The following RB1CC1 variants were observed in gnomAD, a reference collection of about 807,000 sequenced individuals.
RB1CC1 encodes the protein RB1 inducible coiled-coil 1.
Under a neutral mutation model 177.5 loss-of-function variants are expected in RB1CC1, and 46 were observed. The observed-to-expected ratio is 0.26, with a 90% CI of 0.20 to 0.33. The LOEUF is 0.33. Ranked by LOEUF, RB1CC1 falls within the 10% of genes least tolerant of loss-of-function variation. RB1CC1 has a pLI of 1.00. For missense variants in RB1CC1, 1,703 were observed against 1,816.3 expected, an observed-to-expected ratio of 0.94 and a Z score of 1.13; for synonymous variants, 666 against 613.6, an observed-to-expected ratio of 1.09 and a Z score of -1.26.
At chr8:52,660,394 G>C (rs919509403) in intron 12 of RB1CC1, among the ~76,000 whole-genome samples, 1 of 152,182 alleles carries the variant, frequency 6.6e-6, no homozygotes, top group Non-Finnish European at 1.5e-5. Flanking sequence ...CCTGTGTTAT[G>C]AAGATTCTTT....
At chr8:52,687,930 G>C (rs1335228547) in intron 1 of RB1CC1, among the ~76,000 whole-genome samples, 2 of 152,198 alleles carry the variant, frequency 1.3e-5, no homozygotes, top group Non-Finnish European at 2.9e-5. Context: ...GGAAGTCAGG[G>C]ACCCCAAACA....
chr8:52,670,464 A>T (rs893637328), intron 7 of RB1CC1, among the ~76,000 whole-genome samples: 1 of 152,194 alleles, frequency 6.6e-6, no homozygotes, highest in African/African-American at 2.4e-5. Flanking sequence ...ACTATAAAAC[A>T]AAGTTTCTTA....
chr8:52,652,678 G>A (rs1850711851), intron 15 of RB1CC1, among the ~76,000 whole-genome samples: 2 of 152,038 alleles, frequency 1.3e-5, no homozygotes, highest in Admixed American at 6.6e-5. Context: ...TTTAAAAGAT[G>A]GTAAACACGC....
At chr8:52,693,679 G>A (rs1344600244) in intron 1 of RB1CC1, among the ~76,000 whole-genome samples, 1 of 152,128 alleles carries the variant, frequency 6.6e-6, no homozygotes, top group Non-Finnish European at 1.5e-5. Context: ...CAAAGACCTT[G>A]AGGCAGAAAT....
Position 52,661,268 on chromosome 8 carries a change from C to A in RB1CC1, c.1372G>T (p.Val458Leu). Residue 458 changes from valine to leucine, a missense_variant, in exon 10 of 24, where the codon GTA (valine) becomes TTA (leucine). This residue lies in a region of RB1CC1 where 1,169 missense variants were observed against 1,184.7 expected (regional missense o/e 0.99). Coordinates refer to ENST00000025008, the MANE Select transcript of RB1CC1 (RefSeq NM_014781.5). ...LHVRLKWCCF[V>L]MLHADQDGEK... ...CCATCTTGATCAGCATGAAGCATTA[C>A]AAAGCAACACCACCTAGAGAATAAA... is the stretch of plus-strand genomic sequence containing the variant. 6.2e-7 allele frequency: 1 copy of A among 1,612,620 alleles called. No homozygotes were observed. Among genetic ancestry groups the A allele is most frequent in the Middle Eastern group, 1.7e-4 (1 of 6,052 alleles).
At chr8:52,648,677 T>C (rs933697288) in intron 15 of RB1CC1, among the ~76,000 whole-genome samples, 1 of 152,194 alleles carries the variant, frequency 6.6e-6, no homozygotes. Context: ...ATATATGCAC[T>C]GTGGTCCTAA....
At chr8:52,699,830 A>AAAAATATATATATAT (rs1554557119) in intron 1 of RB1CC1, among the ~76,000 whole-genome samples, 1 of 26,702 alleles carries the variant, frequency 3.7e-5, no homozygotes, top group African/African-American at 1.0e-4. Flanking sequence ...AAAAAAAAAA[A>AAAAATATATATATAT]ATATATATAT....
At chr8:52,702,589 G>T (rs191661960) in intron 1 of RB1CC1, among the ~76,000 whole-genome samples, 4 of 152,058 alleles carry the variant, frequency 2.6e-5, no homozygotes, top group Non-Finnish European at 5.9e-5. Context: ...GCTGGCTCTC[G>T]CCTGTAATCC....
intron 15 of RB1CC1, among the ~76,000 whole-genome samples, chr8:52,647,637 C>T (rs1275662475): frequency 6.6e-6 from 1 of 151,926 alleles, no homozygotes; most frequent in South Asian, 2.1e-4. Flanking sequence ...GAAGAAATCT[C>T]CACAGTTCTA....
Position 52,656,848 on chromosome 8 carries a change from G to A in RB1CC1, c.2981C>T (p.Thr994Ile), listed in dbSNP as rs1476471407. 1 of 1,613,632 alleles carries A rather than the reference G, an allele frequency of 6.2e-7. No homozygotes were observed. Among genetic ancestry groups the A allele is most frequent in the Admixed American group, 1.7e-5 (1 of 60,010 alleles). Residue 994 changes from threonine to isoleucine, a missense_variant, in exon 15 of 24, where the codon ACA becomes ATA. Transcript: ENST00000025008. ...EQSHLKELED[T>I]LQVRHIQEFE... ...CTCTTGTATGTGCCTAACCTGAAGT[G>A]TGTCCTCTAATTCCTTTAGATGACT...
At chr8:52,636,314 T>C (rs1008600784) in intron 18 of RB1CC1, among the ~76,000 whole-genome samples, 6 of 152,176 alleles carry the variant, frequency 3.9e-5, no homozygotes, top group African/African-American at 1.4e-4. Context: ...AGAGATGTCT[T>C]TAAATTTCTT....
chr8:52,712,921 C>CAGT (rs1232826259), intron 1 of RB1CC1, among the ~76,000 whole-genome samples: 1 of 152,218 alleles, frequency 6.6e-6, no homozygotes, highest in Admixed American at 6.5e-5. Flanking sequence ...CCACCTCCCT[C>CAGT]AGTAGTTCCT....
chr8:52,680,359 G>T (rs1183748284), intron 5 of RB1CC1, among the ~76,000 whole-genome samples: 1 of 152,170 alleles, frequency 6.6e-6, no homozygotes, highest in Non-Finnish European at 1.5e-5. Context: ...AAACAGAGAA[G>T]TCTAAATCAA....
intron 8 of RB1CC1, 149 bp from the exon 9 acceptor site, chr8:52,661,868 T>C: frequency 1.8e-6 from 1 of 549,518 alleles, no homozygotes; most frequent in Non-Finnish European, 3.0e-6. Context: ...TCGAATGTAG[T>C]AGATGCATAA....
intron 18 of RB1CC1, among the ~76,000 whole-genome samples, chr8:52,637,147 C>A (rs1849207802): frequency 6.6e-6 from 1 of 152,178 alleles, no homozygotes; most frequent in Non-Finnish European, 1.5e-5. Flanking sequence ...TTGTGTTGAA[C>A]TGGCAGACCA....
intron 1 of RB1CC1, among the ~76,000 whole-genome samples, chr8:52,702,122 C>T (rs953914971): frequency 6.6e-6 from 1 of 152,090 alleles, no homozygotes; most frequent in Non-Finnish European, 1.5e-5. Context: ...CTATCTATTT[C>T]TATCTTTAGC....
intron 8 of RB1CC1, 71 bp downstream of exon 8, chr8:52,667,950 A>G (rs1156569609): frequency 1.4e-6 from 2 of 1,438,066 alleles, no homozygotes; most frequent in East Asian, 2.3e-5. Flanking sequence ...CACCAAATTG[A>G]TACTGCATAT....
Position 52,687,029 on chromosome 8 carries a change from A to ATTG in RB1CC1, c.-166-65_-166-63dup, listed in dbSNP as rs546664853. 1.0e-3 allele frequency: 464 copies of ATTG among 444,418 alleles called. 13 individuals are homozygous for ATTG. Among genetic ancestry groups the ATTG allele is most frequent in the South Asian group, 7.4e-3 (459 of 62,202 alleles). 27.5% of individuals were successfully genotyped at this position (444,418 alleles called of 1,614,324 possible). On this transcript the variant is annotated intron_variant, in intron 1 of 23. Transcript: ENST00000025008. The stretch of plus-strand genomic sequence containing the variant: ...ATTCAGTACGAAACAACATATGGCT[A>ATTG]TTGTTCCTTTCTTCCTTTTAAAACT...
chr8:52,673,831 T>A lies in RB1CC1; in HGVS notation c.1002+14A>T, dbSNP rs757030815. 1.9e-6 allele frequency: 3 copies of A among 1,574,510 alleles called. No individual in the cohort carries two copies. Among genetic ancestry groups the A allele is most frequent in the Non-Finnish European group, 2.6e-6 (3 of 1,160,382 alleles). On this transcript the variant is annotated intron_variant, in intron 7 of 23. Transcript: ENST00000025008. Reference sequence around the variant, plus strand: ...GTAAAATGACAAAACAAACATCAAATTAACGTTACTTACCCTGCTCATAGA... The same window carrying A: ...GTAAAATGACAAAACAAACATCAAAATAACGTTACTTACCCTGCTCATAGA...
Sources: allele counts gnomAD v4.1 joint callset (sites outside exome capture counted in the v4.1 genomes callset), GRCh38; gene constraint gnomAD v4.1.1; regional missense constraint gnomAD v4.1.1; transcripts MANE v1.5; gene names NCBI Gene and HGNC (gene_info 2026-07-23, HGNC 2026-07-21).